Variants in RYR3 observed in about 807,000 individuals in gnomAD.
The protein encoded by RYR3 is brain ryanodine receptor-calcium release channel.
RYR3 carries 207 observed loss-of-function variants against 584.3 expected under a neutral mutation model. The observed-to-expected ratio is 0.35, with a 90% CI of 0.32 to 0.40. The LOEUF is 0.40. Ranked by LOEUF, RYR3 falls within the 10% of genes least tolerant of loss-of-function variation. The probability of loss-of-function intolerance (pLI) is 1.00; values close to 1 mark genes in which losing one functional copy is unlikely to be tolerated. For synonymous variants in RYR3, 2,416 were observed against 2,248.5 expected (o/e 1.07, Z -2.11); for missense variants, 5,616 against 6,089.2 (o/e 0.92, Z 2.59).
chr15:33,426,372 G>GT (rs1342228730), intron 1 of RYR3, among the ~76,000 whole-genome samples: 2 of 152,140 alleles, frequency 1.3e-5, no homozygotes, highest in African/African-American at 4.8e-5. Flanking sequence ...TTCAGATGAT[G>GT]TTGGATCCAG....
At chr15:33,726,563 G>A (rs1193627373) in intron 46 of RYR3, 57 bp downstream of exon 46, 7 of 1,521,792 alleles carry the variant, frequency 4.6e-6, no homozygotes, top group African/African-American at 1.4e-5. Context: ...CTGGCTCGGG[G>A]CAGGACTCTG....
At chr15:33,802,139 C>T in intron 69 of RYR3, 178 bp downstream of exon 69, 1 of 748,268 alleles carries the variant, frequency 1.3e-6, no homozygotes, top group Non-Finnish European at 2.5e-6. Flanking sequence ...CTCAAATAAG[C>T]ATGGTCATCA....
At chr15:33,487,201 G>GAAA (rs61232070) in intron 2 of RYR3, among the ~76,000 whole-genome samples, 19,016 of 144,380 alleles carry the variant, frequency 0.13, 3,289 homozygotes, top group African/African-American at 0.4. Context: ...CCATCTCAAA[G>GAAA]AAAAAAAAAA....
At chr15:33,717,119 C>T (rs2067553477) in intron 43 of RYR3, among the ~76,000 whole-genome samples, 1 of 152,130 alleles carries the variant, frequency 6.6e-6, no homozygotes, top group Non-Finnish European at 1.5e-5. Context: ...TAAATACTGG[C>T]CTTCAAAATA....
Position 33,831,037 on chromosome 15 carries a change from C to T in RYR3, c.11409C>T (p.Ser3803=). Residue 3803 remains serine (S), a synonymous_variant, in exon 86 of 104, where the codon TCC becomes TCT. Coordinates refer to ENST00000634891, the MANE Select transcript of RYR3 (RefSeq NM_001036.6). ...IIDESGQHNF[S]KALAVTKQIF... is the part of the protein sequence containing the mutation. ...ATGAATCTGGACAGCACAATTTTTC[C>T]AAAGCTCTGGCAGTCACCAAGCAGA... 6.2e-7 allele frequency: 1 copy of T among 1,613,736 alleles called. No individual in the cohort carries two copies. The highest frequency in any genetic ancestry group is 8.5e-7 in the Non-Finnish European group (1 of 1,179,788).
chr15:33,722,454 C>T, intron 43 of RYR3: 1 of 485,982 alleles, frequency 2.1e-6, no homozygotes, highest in Non-Finnish European at 3.6e-6. Context: ...CCACCTTTTT[C>T]TCCATCAGTG....
chr15:33,702,619 TGAC>T (rs1243404805), intron 42 of RYR3, among the ~76,000 whole-genome samples: 2 of 152,072 alleles, frequency 1.3e-5, no homozygotes, highest in African/African-American at 2.4e-5. Context: ...AGTAGGGAAT[TGAC>T]GACCTGGCAG....
intron 3 of RYR3, among the ~76,000 whole-genome samples, chr15:33,504,033 G>A (rs900286521): frequency 6.6e-6 from 1 of 152,210 alleles, no homozygotes; most frequent in African/African-American, 2.4e-5. Context: ...CAGCGAATGT[G>A]GAGAGGCTGA....
chr15:33,757,424 T>G, intron 59 of RYR3, 51 bp from the exon 60 acceptor site: 1 of 1,565,772 alleles, frequency 6.4e-7, no homozygotes, highest in South Asian at 1.2e-5. Flanking sequence ...ATGAACCAAA[T>G]GAAGAGTTTT....
chr15:33,476,380 T>G (rs1400645913), intron 2 of RYR3, among the ~76,000 whole-genome samples: 1 of 152,244 alleles, frequency 6.6e-6, no homozygotes, highest in Non-Finnish European at 1.5e-5. Flanking sequence ...TCATTCTAAA[T>G]TTCAAGCAAG....
In RYR3 at chr15:33,355,576, G is replaced by A. The variant is rs185900951; in HGVS notation, c.51+44480G>A. On this transcript the variant is annotated intron_variant, in intron 1 of 103. Transcript: ENST00000634891. ...GAAGTCATAAGACAATCAAAGCCAC[G>A]ATTTAATCTTTAGGCTTCTCTTCTG... 2.6e-4 allele frequency among the ~76,000 whole-genome samples: 40 copies of A among 152,328 alleles called. No individual in the cohort carries two copies. In the South Asian group the frequency reaches 6.8e-3, roughly 26 times the overall value.
Position 33,669,662 on chromosome 15 carries a change from C to T in RYR3, c.5722+206C>T, listed in dbSNP as rs192344521. Among the ~76,000 whole-genome samples the T allele has an allele frequency of 4.5e-3, 683 of 152,276 alleles. 3 individuals carry two copies. The highest frequency in any genetic ancestry group is 7.7e-3 in the Non-Finnish European group (521 of 68,018). ...ACAGAATATATGACCAAAATTCCTT[C>T]TACCTAAAAGAGCCTGTGCTGAGAT... On this transcript the variant is annotated intron_variant, in intron 37 of 103. Coordinates refer to ENST00000634891, the MANE Select transcript of RYR3 (RefSeq NM_001036.6).
intron 1 of RYR3, among the ~76,000 whole-genome samples, chr15:33,444,488 C>T (rs2046466183): frequency 6.6e-6 from 1 of 152,136 alleles, no homozygotes; most frequent in South Asian, 2.1e-4. Context: ...CATAACTTAG[C>T]GCTAGACATA....
intron 1 of RYR3, among the ~76,000 whole-genome samples, chr15:33,328,410 T>G (rs1970000370): frequency 6.6e-6 from 1 of 152,196 alleles, no homozygotes; most frequent in Non-Finnish European, 1.5e-5. Flanking sequence ...TTCTTTCACC[T>G]AATCTTCAGT....
At chr15:33,342,696 G>C (rs74005181) in intron 1 of RYR3, among the ~76,000 whole-genome samples, 5,915 of 152,198 alleles carry the variant, frequency 0.039, 295 homozygotes, top group African/African-American at 0.12. Flanking sequence ...AAAAACAGAA[G>C]CAAGATGCTT....
chr15:33,823,574 G>A (rs908619631), intron 81 of RYR3, among the ~76,000 whole-genome samples: 2 of 152,092 alleles, frequency 1.3e-5, no homozygotes, highest in African/African-American at 2.4e-5. Flanking sequence ...TTTTGACAGC[G>A]GTACATCCTG....
intron 64 of RYR3, 56 bp from the exon 65 acceptor site, chr15:33,780,155 T>A: frequency 1.3e-6 from 2 of 1,593,028 alleles, no homozygotes; most frequent in Non-Finnish European, 1.7e-6. Context: ...GATCTGCCAA[T>A]GCATGGGGCC....
At chr15:33,515,728 A>G (rs1480962729) in intron 3 of RYR3, among the ~76,000 whole-genome samples, 1 of 152,148 alleles carries the variant, frequency 6.6e-6, no homozygotes. Context: ...AAACTGGTTT[A>G]TTGTTTTGCC....
At chr15:33,842,133 C>G (rs2078409971) in intron 91 of RYR3, 98 bp downstream of exon 91, 2 of 1,274,496 alleles carry the variant, frequency 1.6e-6, no homozygotes, top group Admixed American at 4.5e-5. Flanking sequence ...TGGTCAGTTA[C>G]ACTTCCTCCC....
Sources: allele counts gnomAD v4.1 joint callset (sites outside exome capture counted in the v4.1 genomes callset), GRCh38; gene constraint gnomAD v4.1.1; transcripts MANE v1.5; gene names NCBI Gene and HGNC (gene_info 2026-07-23, HGNC 2026-07-21).